STAG2: variants seen among roughly 807,000 people sequenced by gnomAD.
STAG2 encodes the protein cohesin subunit SA-2.
In STAG2, 14 loss-of-function variants were observed where a neutral mutation model predicts 108.1. The ratio of observed to expected loss-of-function variants is 0.13; its 90% CI spans 0.09 to 0.20. The LOEUF (loss-of-function observed/expected upper bound fraction) is 0.20. STAG2 is among the 10% of genes least tolerant of loss of function. The pLI is 1.00. For synonymous variants in STAG2, 307 were observed against 302.7 expected, an observed-to-expected ratio of 1.01 and a Z score of -0.15; for missense variants, 440 against 940.9, an observed-to-expected ratio of 0.47 and a Z score of 6.96.
chrX:124,097,893 T>A (rs1202545673), intron 34 of STAG2, among the ~76,000 whole-genome samples: 2 of 110,659 alleles, frequency 1.8e-5, no homozygotes, highest in African/African-American at 6.6e-5. Context: ...ACAAAAGTAA[T>A]TAAGAAATCG....
At position 124,066,185 on chromosome X, in the gene STAG2, C is replaced by T. The variant is rs2148342344; in HGVS notation, c.2107C>T (p.Leu703Phe). The change falls in exon 22 of 35, where the codon CTT becomes TTT. Residue 703 changes from leucine (L) to phenylalanine (F), a missense_variant. Coordinates refer to ENST00000371145, the MANE Select transcript of STAG2 (RefSeq NM_001042750.2). The stretch of plus-strand genomic sequence containing the variant: ...TTTTTTTTTTTACAGTGCCCATGAC[C>T]TTTCAAAGTGGGATTTATTTGCTTG... ...RITAFHNAHD[L>F]SKWDLFACNY... is the part of the protein sequence containing the mutation. 2.2e-6 allele frequency: 2 copies of T among 896,511 alleles called. No homozygotes were observed. Among genetic ancestry groups the T allele is most frequent in the Non-Finnish European group, 3.1e-6 (2 of 645,531 alleles). The allele number at this position is 896,511 out of a possible 1,213,427, so 73.9% of individuals were successfully genotyped here.
intron 32 of STAG2, among the ~76,000 whole-genome samples, chrX:124,092,270 A>G (rs998844216): frequency 1.8e-5 from 2 of 111,672 alleles, no homozygotes; most frequent in Non-Finnish European, 3.8e-5. Flanking sequence ...ACACGTATAG[A>G]TTCTGATCCT....
chrX:124,019,978 C>T (rs192170186), intron 1 of STAG2, among the ~76,000 whole-genome samples: 14 of 112,341 alleles, frequency 1.2e-4, no homozygotes, highest in Admixed American at 1.0e-3. Context: ...CGCACATGCG[C>T]GCATCTATCT....
chrX:124,099,555 A>G (rs1472921235), intron 34 of STAG2, among the ~76,000 whole-genome samples: 1 of 111,200 alleles, frequency 9.0e-6, no homozygotes, highest in Non-Finnish European at 1.9e-5. Flanking sequence ...TGGGATTCCA[A>G]ACACTACTTG....
At chrX:124,013,074 G>A (rs183607862) in intron 1 of STAG2, among the ~76,000 whole-genome samples, 1 of 111,173 alleles carries the variant, frequency 9.0e-6, no homozygotes, top group African/African-American at 3.3e-5. Flanking sequence ...GGTTTAGATG[G>A]CAATAATATA....
chrX:124,093,500 A>G (rs770136577), intron 32 of STAG2, among the ~76,000 whole-genome samples: 29 of 99,056 alleles, frequency 2.9e-4, no homozygotes, highest in African/African-American at 9.8e-4. Flanking sequence ...TTTAACATCC[A>G]TAGGACACAG....
intron 29 of STAG2, among the ~76,000 whole-genome samples, chrX:124,085,317 C>G (rs946033564): frequency 3.6e-5 from 4 of 111,261 alleles, no homozygotes; most frequent in African/African-American, 1.3e-4. Flanking sequence ...CTGTAATGTC[C>G]TATTTAGGTA....
chrX:123,961,300 C>CT (rs1491547825), upstream of STAG2: 1 of 52,768 alleles, frequency 1.9e-5, no homozygotes, highest in African/African-American at 8.4e-5. Context: ...TCTACGGAGA[C>CT]CCCCCCCCCC....
intron 29 of STAG2, 151 bp from the exon 30 acceptor site, chrX:124,086,396 G>T: frequency 2.2e-6 from 1 of 451,594 alleles, no homozygotes; most frequent in Non-Finnish European, 3.8e-6. Context: ...TTCATTTGAT[G>T]TGAAAATCTT....
chrX:124,065,396 TA>T (rs1212501473), intron 20 of STAG2, among the ~76,000 whole-genome samples: 2 of 111,538 alleles, frequency 1.8e-5, no homozygotes, highest in Non-Finnish European at 3.8e-5. Flanking sequence ...AAAAGTATAT[TA>T]ATAGATGTTG....
chrX:124,002,782 G>A (rs1217281172), intron 1 of STAG2, among the ~76,000 whole-genome samples: 2 of 107,549 alleles, frequency 1.9e-5, no homozygotes, highest in Non-Finnish European at 3.8e-5. Flanking sequence ...CTGCCACCAC[G>A]CTTGGCAATT....
intron 5 of STAG2, among the ~76,000 whole-genome samples, chrX:124,032,650 A>G (rs1460436548): frequency 1.8e-5 from 2 of 111,293 alleles, no homozygotes; most frequent in Non-Finnish European, 3.8e-5. Context: ...CATGTGCTCA[A>G]TATTTAGCTT....
In STAG2 at chrX:124,095,581, G is replaced by T. The variant is rs2059357009; in HGVS notation, c.3783+132G>T. On this transcript the variant is annotated intron_variant, in intron 34 of 34. Coordinates refer to ENST00000371145, the MANE Select transcript of STAG2 (RefSeq NM_001042750.2). ...AGCTGGATGTGAGAAAAAGAGGCAG[G>T]CAGGCAGGATTTCAGTGGGAGGGGA... 1.2e-5 allele frequency: 6 copies of T among 496,772 alleles called. No individual in the cohort carries two copies. The South Asian group carries it at 1.2e-4, about 10-fold the overall frequency. 40.9% of individuals were successfully genotyped at this position (496,772 alleles called of 1,213,427 possible).
intron 1 of STAG2, among the ~76,000 whole-genome samples, chrX:123,982,389 A>G (rs918382483): frequency 9.0e-6 from 1 of 110,508 alleles, no homozygotes; most frequent in African/African-American, 3.3e-5. Flanking sequence ...TTTGAGATGG[A>G]GTCTTGCTCT....
chrX:124,098,369 T>A (rs903102419), intron 34 of STAG2, among the ~76,000 whole-genome samples: 1 of 110,346 alleles, frequency 9.1e-6, no homozygotes, highest in African/African-American at 3.3e-5. Context: ...ACCATGTAAT[T>A]TTTTTTTTAA....
intron 6 of STAG2, among the ~76,000 whole-genome samples, chrX:124,038,305 G>A (rs2057583517): frequency 9.0e-6 from 1 of 110,657 alleles, no homozygotes; most frequent in African/African-American, 3.3e-5. Context: ...AGCCAGTCAA[G>A]ATTACGGGCA....
chrX:123,988,572 CT>C (rs1311300153), intron 1 of STAG2, among the ~76,000 whole-genome samples: 1 of 111,685 alleles, frequency 9.0e-6, no homozygotes, highest in African/African-American at 3.2e-5. Flanking sequence ...AAAGCAAATA[CT>C]TTACTGCTCT....
At position 124,071,750 on chromosome X, in the gene STAG2, G is replaced by GT. The variant is rs1284792769; in HGVS notation, c.2533+435dup. 1.6e-4 allele frequency among the ~76,000 whole-genome samples: 18 copies of GT among 110,796 alleles called. No homozygotes were observed. The South Asian group carries it at 1.9e-3, about 12-fold the overall frequency. On this transcript the variant is annotated intron_variant, in intron 25 of 34. Coordinates refer to ENST00000371145, the MANE Select transcript of STAG2 (RefSeq NM_001042750.2). ...TTTGTTGTGTACTTGTATACCGTAG[G>GT]TTTTTTTTGTTTTTTAATTTGGGGA... is the stretch of plus-strand genomic sequence containing the variant.
chrX:123,979,215 C>T (rs1476321850), intron 1 of STAG2, among the ~76,000 whole-genome samples: 1 of 111,219 alleles, frequency 9.0e-6, no homozygotes, highest in Non-Finnish European at 1.9e-5. Flanking sequence ...TTCAGTGGAA[C>T]GTTCCTTGGC....
Sources: allele counts gnomAD v4.1 joint callset (sites outside exome capture counted in the v4.1 genomes callset), GRCh38; gene constraint gnomAD v4.1.1; transcripts MANE v1.5; gene names NCBI Gene and HGNC (gene_info 2026-07-23, HGNC 2026-07-21).